Variants in PDHX observed in about 807,000 individuals in gnomAD.
PDHX encodes pyruvate dehydrogenase complex component X.
A neutral mutation model predicts 55.3 loss-of-function variants in PDHX; 33 were observed. That is an observed-to-expected ratio of 0.60 (90% CI 0.45 to 0.80). The LOEUF (loss-of-function observed/expected upper bound fraction) is 0.80. Among genes scored for constraint, PDHX ranks in the 30% least tolerant of loss-of-function variants. PDHX has a pLI of 0.00. For missense variants in PDHX, 622 were observed against 619.9 expected (o/e 1.00, Z -0.04); for synonymous variants, 226 against 219.4 (o/e 1.03, Z -0.27).
chr11:34,994,749 CAATT>C (rs1251651976), intron 10 of PDHX, among the ~76,000 whole-genome samples, 161 bp from the exon 11 acceptor site: 1 of 152,102 alleles, frequency 6.6e-6, no homozygotes, highest in African/African-American at 2.4e-5. Context: ...CCTGTGTACA[CAATT>C]AATTTATTTG....
intron 8 of PDHX, among the ~76,000 whole-genome samples, chr11:34,982,416 AAGATC>A (rs1465994977): frequency 2.6e-5 from 4 of 152,202 alleles, no homozygotes; most frequent in Non-Finnish European, 5.9e-5. Context: ...AGAAATAACT[AAGATC>A]AGAGCAGAAC....
chr11:34,939,248 TG>T (rs1854413274), intron 2 of PDHX, among the ~76,000 whole-genome samples: 1 of 152,228 alleles, frequency 6.6e-6, no homozygotes. Flanking sequence ...TCTTTTTAAA[TG>T]TATGGTCACC....
At chr11:34,974,072 G>T (rs556436003) in intron 7 of PDHX, among the ~76,000 whole-genome samples, 1 of 152,102 alleles carries the variant, frequency 6.6e-6, no homozygotes, top group Non-Finnish European at 1.5e-5. Flanking sequence ...CAGTTAGTTC[G>T]TTGACATTAA....
In PDHX at chr11:34,916,847, T is replaced by C. The variant is rs368154265; in HGVS notation, c.160+32T>C. The C allele has an allele frequency of 1.0e-5, 16 of 1,529,506 alleles. No homozygotes were observed. The African/African-American group carries it at 2.2e-4, about 21-fold the overall frequency. 94.7% of individuals were successfully genotyped at this position (1,529,506 alleles called of 1,614,324 possible). ...GGCCGGGGCTCGCTCAGCTTCTCTG[T>C]GTAGCTGAGTGATGGGCCTGGGACA... is the stretch of plus-strand genomic sequence containing the variant. On this transcript the variant is annotated intron_variant, in intron 1 of 10. Coordinates refer to ENST00000227868, the MANE Select transcript of PDHX (RefSeq NM_003477.3).
intron 8 of PDHX, among the ~76,000 whole-genome samples, chr11:34,980,903 TCA>T (rs770904338): frequency 1.3e-5 from 2 of 152,190 alleles, no homozygotes; most frequent in Non-Finnish European, 2.9e-5. Context: ...AAATTTGTTT[TCA>T]GTTTCTGTTT....
chr11:34,960,323 T>TG, intron 4 of PDHX, 97 bp from the exon 5 acceptor site: 1 of 782,636 alleles, frequency 1.3e-6, no homozygotes, highest in Non-Finnish European at 2.2e-6. Flanking sequence ...ATTATAAGAT[T>TG]TTTTTTTAAT....
chr11:34,974,731 G>C (rs1855330032), intron 7 of PDHX, among the ~76,000 whole-genome samples: 1 of 152,068 alleles, frequency 6.6e-6, no homozygotes, highest in Admixed American at 6.6e-5. Context: ...AACAGAACGA[G>C]ACCCTATCTC....
intron 3 of PDHX, among the ~76,000 whole-genome samples, chr11:34,953,313 C>A (rs981264874): frequency 9.2e-5 from 14 of 152,084 alleles, no homozygotes; most frequent in African/African-American, 3.4e-4. Context: ...GCTACCAATG[C>A]CTTTCTTCAC....
chr11:34,988,925 C>T (rs1484527100), intron 9 of PDHX, among the ~76,000 whole-genome samples: 2 of 152,164 alleles, frequency 1.3e-5, no homozygotes, highest in Admixed American at 1.3e-4. Flanking sequence ...TCTTACCATG[C>T]TTAATTTTTA....
chr11:34,936,586 G>A (rs916307205), intron 2 of PDHX, among the ~76,000 whole-genome samples: 1 of 152,058 alleles, frequency 6.6e-6, no homozygotes, highest in Non-Finnish European at 1.5e-5. Flanking sequence ...TTGGAAGAAA[G>A]ATGTCACTGA....
rs562063761 is a variant in PDHX, at chr11:34,930,557, A to T, written c.161-847A>T. Among the ~76,000 whole-genome samples, 3 of 152,340 alleles carry T rather than the reference A, an allele frequency of 2.0e-5. No individual in the cohort carries two copies. The Middle Eastern group carries it at 0.01, about 518-fold the overall frequency. ...GTAATCTGAAGAGAGAATAGGGTCT[A>T]TGGAAAGCTATAGGGGATGGACGTA... On this transcript the variant is annotated intron_variant, in intron 1 of 10. Coordinates refer to ENST00000227868, the MANE Select transcript of PDHX (RefSeq NM_003477.3).
intron 10 of PDHX, among the ~76,000 whole-genome samples, chr11:34,992,814 A>G (rs1257830072): frequency 6.6e-6 from 1 of 152,184 alleles, no homozygotes; most frequent in East Asian, 1.9e-4. Flanking sequence ...TTATGGTGCT[A>G]TGAACATTCT....
At chr11:34,930,690 GTTTGCTT>G in intron 1 of PDHX, among the ~76,000 whole-genome samples, 1 of 152,186 alleles carries the variant, frequency 6.6e-6, no homozygotes, top group Non-Finnish European at 1.5e-5. Flanking sequence ...AATACATAGT[GTTTGCTT>G]TTTCGATACC....
chr11:34,976,743 A>T (rs2762956), intron 7 of PDHX, among the ~76,000 whole-genome samples: 91,234 of 151,996 alleles, frequency 0.6, 28,880 homozygotes, highest in East Asian at 0.75. Flanking sequence ...ATGTTCCTAA[A>T]TGTGGGAGTA....
chr11:34,929,859 A>C (rs183139084), intron 1 of PDHX, among the ~76,000 whole-genome samples: 1 of 152,296 alleles, frequency 6.6e-6, no homozygotes, highest in Non-Finnish European at 1.5e-5. Flanking sequence ...ATTTGGTGCC[A>C]GTTGAGAGAG....
upstream of PDHX, chr11:34,916,017 C>G: frequency 1.6e-6 from 1 of 627,788 alleles, no homozygotes; most frequent in South Asian, 2.1e-5. Flanking sequence ...GCCATCGGAG[C>G]GCCCCGCCCG....
rs146262415 is a variant in PDHX, at chr11:34,970,211, A to G, written c.889A>G (p.Thr297Ala). 7 of 1,612,604 alleles carry G rather than the reference A, an allele frequency of 4.3e-6. No homozygotes were observed. The East Asian group carries it at 6.7e-5, about 15-fold the overall frequency. ...IAKRLTESKS[T>A]VPHAYATADC... The stretch of plus-strand genomic sequence containing the variant: ...CAAGAGATTAACTGAATCTAAAAGT[A>G]CTGTACCTCATGCATATGCTACTGC... The change falls in exon 7 of 11, where the codon ACT (threonine) becomes GCT (alanine). Residue 297 changes from threonine to alanine, a missense_variant. Transcript: ENST00000227868.
At chr11:34,957,087 G>A (rs1231596911) in intron 3 of PDHX, among the ~76,000 whole-genome samples, 1 of 152,182 alleles carries the variant, frequency 6.6e-6, no homozygotes. Flanking sequence ...AAAAGAAGAT[G>A]ATAATGATGG....
intron 2 of PDHX, among the ~76,000 whole-genome samples, chr11:34,934,571 A>AT (rs35227178): frequency 0.26 from 23,998 of 92,038 alleles, 4,378 homozygotes; most frequent in Non-Finnish European, 0.35. Flanking sequence ...GATATTATGG[A>AT]TTTTTTTTTT....
Sources: allele counts gnomAD v4.1 joint callset (sites outside exome capture counted in the v4.1 genomes callset), GRCh38; gene constraint gnomAD v4.1.1; transcripts MANE v1.5; gene names NCBI Gene and HGNC (gene_info 2026-07-23, HGNC 2026-07-21).